Variants in USP15 observed in about 807,000 individuals in gnomAD.
USP15 encodes the protein ubiquitin carboxyl-terminal hydrolase 15.
Under a neutral mutation model 127.1 loss-of-function variants are expected in USP15, and 18 were observed. The observed-to-expected ratio is 0.14, with a 90% CI of 0.10 to 0.21. The LOEUF is 0.21. Among genes scored for constraint, USP15 ranks in the 10% least tolerant of loss-of-function variants. The pLI, the probability that USP15 is intolerant of heterozygous loss-of-function variation, is 1.00. For missense variants in USP15, 805 were observed against 1,159.9 expected, an observed-to-expected ratio of 0.69 and a Z score of 4.44; for synonymous variants, 364 against 393.7, an observed-to-expected ratio of 0.92 and a Z score of 0.89.
intron 17 of USP15, 128 bp from the exon 18 acceptor site, chr12:62,392,144 A>G (rs893257749): frequency 8.1e-6 from 6 of 739,922 alleles, no homozygotes; most frequent in Non-Finnish European, 1.1e-5. Context: ...ATAAATCTCA[A>G]CTGAAATAAG....
chr12:62,262,689 A>G (rs2063102841), intron 1 of USP15, among the ~76,000 whole-genome samples: 2 of 152,144 alleles, frequency 1.3e-5, no homozygotes, highest in African/African-American at 4.8e-5. Context: ...ATAGCTGTAT[A>G]GGTACAGTGT....
chr12:62,278,457 A>G (rs2063554762), intron 1 of USP15, among the ~76,000 whole-genome samples: 1 of 152,222 alleles, frequency 6.6e-6, no homozygotes, highest in Admixed American at 6.5e-5. Flanking sequence ...TACTGTTGTA[A>G]GATTGGCAGC....
At chr12:62,344,569 C>T (rs891061733) in intron 6 of USP15, among the ~76,000 whole-genome samples, 3 of 152,180 alleles carry the variant, frequency 2.0e-5, no homozygotes, top group East Asian at 1.9e-4. Flanking sequence ...GGACAGCGGC[C>T]CTCTTCTCAC....
intron 4 of USP15, among the ~76,000 whole-genome samples, chr12:62,317,628 T>C (rs17659938): frequency 0.1 from 15,983 of 152,274 alleles, 890 homozygotes; most frequent in Middle Eastern, 0.17. Context: ...GAAATCTTGA[T>C]TGAAAATGAT....
chr12:62,335,286 A>G, intron 6 of USP15: 1 of 1,497,836 alleles, frequency 6.7e-7, no homozygotes, highest in Middle Eastern at 1.7e-4. Flanking sequence ...ATAACCTGAT[A>G]TTAACTCCAC....
intron 1 of USP15, among the ~76,000 whole-genome samples, chr12:62,290,409 T>G (rs1453411717): frequency 6.6e-6 from 1 of 152,208 alleles, no homozygotes; most frequent in Non-Finnish European, 1.5e-5. Flanking sequence ...GTCAGCTTTA[T>G]CTGATCTAAG....
At chr12:62,370,188 C>A (rs555104843) in intron 8 of USP15, among the ~76,000 whole-genome samples, 1 of 152,248 alleles carries the variant, frequency 6.6e-6, no homozygotes, top group South Asian at 2.1e-4. Context: ...GTCTCGGCCT[C>A]CCAAAGTGCT....
At chr12:62,269,865 T>A (rs1020224580) in intron 1 of USP15, among the ~76,000 whole-genome samples, 1 of 152,184 alleles carries the variant, frequency 6.6e-6, no homozygotes, top group Non-Finnish European at 1.5e-5. Flanking sequence ...TGAATAATCC[T>A]GCTATGAACA....
chr12:62,338,276 T>G (rs1273076293), intron 6 of USP15, among the ~76,000 whole-genome samples: 1 of 151,810 alleles, frequency 6.6e-6, no homozygotes, highest in Non-Finnish European at 1.5e-5. Flanking sequence ...ATAAATGTCT[T>G]CTTTTGTGAA....
intron 2 of USP15, among the ~76,000 whole-genome samples, chr12:62,301,005 T>G (rs2064300681): frequency 6.6e-6 from 1 of 152,134 alleles, no homozygotes; most frequent in South Asian, 2.1e-4. Flanking sequence ...TTGTAGAATA[T>G]ACAGTTTATA....
Position 62,389,414 on chromosome 12 carries a change from T to C in USP15, c.1474-17T>C. On this transcript the variant is annotated splice_polypyrimidine_tract_variant and intron_variant, in intron 11 of 21. Coordinates refer to ENST00000280377, the MANE Select transcript of USP15 (RefSeq NM_001252078.2). ...TTCCAAAATAATAAATTCATTACAA[T>C]TTTTTTTGTTTTTTAGTACAAAGTG... 1 of 1,572,078 alleles carries C rather than the reference T, an allele frequency of 6.4e-7. No homozygotes were observed. The highest frequency in any genetic ancestry group is 8.7e-7 in the Non-Finnish European group (1 of 1,155,428).
At chr12:62,384,473 T>C (rs1450988555) in intron 11 of USP15, among the ~76,000 whole-genome samples, 171 bp downstream of exon 11, 2 of 151,576 alleles carry the variant, frequency 1.3e-5, no homozygotes, top group Non-Finnish European at 3.0e-5. Context: ...ACTTTGGAAA[T>C]CAGTGTAACT....
At chr12:62,399,027 G>A (rs2067589573) in intron 20 of USP15, among the ~76,000 whole-genome samples, 1 of 151,984 alleles carries the variant, frequency 6.6e-6, no homozygotes, top group Non-Finnish European at 1.5e-5. Flanking sequence ...GGTATTACAA[G>A]TGTTACTCTA....
chr12:62,319,118 G>A (rs780829263), intron 4 of USP15, among the ~76,000 whole-genome samples: 7 of 152,176 alleles, frequency 4.6e-5, no homozygotes, highest in African/African-American at 7.2e-5. Context: ...AAGGCCTCAG[G>A]AAACTTAACA....
intron 3 of USP15, among the ~76,000 whole-genome samples, chr12:62,312,865 TTATA>T (rs906551615): frequency 1.3e-5 from 2 of 151,612 alleles, no homozygotes; most frequent in Non-Finnish European, 3.0e-5. Flanking sequence ...ATGAAGGAGA[TTATA>T]TAAGCAAATA....
chr12:62,379,555 A>G (rs2066927998), intron 8 of USP15, among the ~76,000 whole-genome samples: 1 of 152,190 alleles, frequency 6.6e-6, no homozygotes. Context: ...AAGTTATAAC[A>G]AAGTTTAAGA....
At chr12:62,310,107 A>G (rs899993798) in intron 3 of USP15, among the ~76,000 whole-genome samples, 1 of 152,026 alleles carries the variant, frequency 6.6e-6, no homozygotes, top group Admixed American at 6.6e-5. Flanking sequence ...TAAATTTAAC[A>G]GGTTGCCTGA....
intron 2 of USP15, among the ~76,000 whole-genome samples, chr12:62,302,064 G>C (rs2064337252): frequency 6.6e-6 from 1 of 152,206 alleles, no homozygotes; most frequent in African/African-American, 2.4e-5. Context: ...AGTGGACTGT[G>C]AATTAGAATC....
intron 1 of USP15, chr12:62,267,230 T>A (rs1565800092): frequency 6.6e-6 from 1 of 152,142 alleles, no homozygotes; most frequent in Non-Finnish European, 1.5e-5. Context: ...TTCGCCAGAC[T>A]CGTTCTCCCA....
Sources: allele counts gnomAD v4.1 joint callset (sites outside exome capture counted in the v4.1 genomes callset), GRCh38; gene constraint gnomAD v4.1.1; transcripts MANE v1.5; gene names NCBI Gene and HGNC (gene_info 2026-07-23, HGNC 2026-07-21).